NUP205: variants seen among roughly 807,000 people sequenced by gnomAD.
NUP205 encodes the protein nuclear pore complex protein Nup205.
In NUP205, 76 loss-of-function variants were observed where a neutral mutation model predicts 253.8. The ratio of observed to expected loss-of-function variants is 0.30; its 90% CI spans 0.25 to 0.36. NUP205 has a LOEUF of 0.36. Ranked by LOEUF, NUP205 falls within the 10% of genes least tolerant of loss-of-function variation. The probability of loss-of-function intolerance (pLI) is 1.00; values close to 1 mark genes in which losing one functional copy is unlikely to be tolerated. For missense variants in NUP205, 2,162 were observed against 2,425.5 expected, an observed-to-expected ratio of 0.89 and a Z score of 2.28; for synonymous variants, 832 against 850.1, an observed-to-expected ratio of 0.98 and a Z score of 0.37.
At chr7:135,565,001 T>C (rs1393148240) in intron 1 of NUP205, among the ~76,000 whole-genome samples, 5 of 152,044 alleles carry the variant, frequency 3.3e-5, no homozygotes, top group African/African-American at 1.2e-4. Flanking sequence ...ACTCCTGACC[T>C]CAAGTGATCT....
intron 1 of NUP205, among the ~76,000 whole-genome samples, chr7:135,570,048 TATATAGAGAGAGAGAGAGAGAGAGAG>T (rs1411289936): frequency 7.0e-5 from 7 of 99,786 alleles, no homozygotes; most frequent in African/African-American, 1.4e-4. Context: ...TATATATATA[TATATAGAGAGAGAGAGAGAGAGAGAG>T]AGAGAGAGAG....
chr7:135,604,386 G>T lies in NUP205; in HGVS notation c.2749G>T (p.Ala917Ser). ...NTNPELAFES[A>S]KILCCISCNS... ...TAATCCAGAATTGGCTTTTGAAAGTGCCAAGATCCTCTGTTGTATCTCTTG... is the reference window on the plus strand; with the variant it reads ...TAATCCAGAATTGGCTTTTGAAAGTTCCAAGATCCTCTGTTGTATCTCTTG... Residue 917 changes from alanine (A) to serine (S), a missense_variant, in exon 19 of 43, where the codon GCC becomes TCC. Ala to Ser is a moderately conservative substitution (Grantham distance 99, BLOSUM62 1). Around this residue, in one of 5 missense-constraint regions of NUP205, gnomAD observed 892 missense variants for 957.1 expected, o/e 0.93. Coordinates refer to ENST00000285968, the MANE Select transcript of NUP205 (RefSeq NM_015135.3). 1.9e-6 allele frequency: 3 copies of T among 1,612,734 alleles called. No homozygotes were observed. Among genetic ancestry groups the T allele is most frequent in the Non-Finnish European group, 2.5e-6 (3 of 1,179,120 alleles).
intron 7 of NUP205, among the ~76,000 whole-genome samples, chr7:135,580,165 A>G (rs947960017): frequency 1.3e-5 from 2 of 152,214 alleles, no homozygotes; most frequent in African/African-American, 4.8e-5. Flanking sequence ...TAAAGTATCA[A>G]CAGATTCTAG....
At chr7:135,592,819 A>G (rs552315057) in intron 11 of NUP205, among the ~76,000 whole-genome samples, 168 bp from the exon 12 acceptor site, 2 of 152,260 alleles carry the variant, frequency 1.3e-5, no homozygotes. Flanking sequence ...CCTGGGGAGT[A>G]GAGGTTGCAG....
rs537276545 is a variant in NUP205, at chr7:135,560,159, A to AT, written c.28+2195dup. Among the ~76,000 whole-genome samples the AT allele has an allele frequency of 2.4e-3, 358 of 151,268 alleles. 1 individual carries two copies. Among genetic ancestry groups the AT allele is most frequent in the South Asian group, 3.8e-3 (18 of 4,780 alleles). ...AGGTGTGAGCCACTGCGCCTGGCCA[A>AT]TTTTTTTTGTATTTTTAGTAGAGAC... On this transcript the variant is annotated intron_variant, in intron 1 of 42. Transcript: ENST00000285968.
At chr7:135,630,614 G>T (rs1794692036) in intron 35 of NUP205, 144 bp downstream of exon 35, 2 of 601,952 alleles carry the variant, frequency 3.3e-6, no homozygotes, top group Non-Finnish European at 5.2e-6. Flanking sequence ...TATGTAATAA[G>T]TTTATGTTTA....
At chr7:135,637,550 A>G (rs1423896497) in intron 36 of NUP205, among the ~76,000 whole-genome samples, 2 of 152,202 alleles carry the variant, frequency 1.3e-5, no homozygotes, top group African/African-American at 4.8e-5. Context: ...AATTATCACA[A>G]ACGTGTCCAT....
At chr7:135,592,751 G>A (rs1806661750) in intron 11 of NUP205, among the ~76,000 whole-genome samples, 1 of 152,194 alleles carries the variant, frequency 6.6e-6, no homozygotes, top group Admixed American at 6.5e-5. Flanking sequence ...GCAAGGCGTT[G>A]TGGTGCACGC....
chr7:135,618,146 G>C (rs910596054), intron 27 of NUP205, among the ~76,000 whole-genome samples: 23 of 152,100 alleles, frequency 1.5e-4, no homozygotes, highest in Admixed American at 1.4e-3. Context: ...AGTATAAGTA[G>C]ACAGGTACAA....
chr7:135,573,694 G>C lies in NUP205; in HGVS notation c.212G>C (p.Ser71Thr). The stretch of plus-strand genomic sequence containing the variant: ...CAGCATGAGAAGGTTCAGAAAGCCA[G>C]TACAGAGGGAGTCGCCATTCAGGGT... ...VQQHEKVQKASTEGVAIQGQQ... is the reference protein window; with the variant it reads ...VQQHEKVQKATTEGVAIQGQQ... Residue 71 changes from serine to threonine, a missense_variant, in exon 3 of 43, where the codon AGT becomes ACT. By Grantham distance (58) the Ser-to-Thr change is moderately conservative. This residue lies in a region of NUP205 where 109 missense variants were observed against 131.8 expected (regional missense o/e 0.83). Coordinates refer to ENST00000285968, the MANE Select transcript of NUP205 (RefSeq NM_015135.3). The C allele has an allele frequency of 2.5e-6, 4 of 1,613,934 alleles. No individual in the cohort carries two copies. Among genetic ancestry groups the C allele is most frequent in the Non-Finnish European group, 3.4e-6 (4 of 1,179,934 alleles).
At chr7:135,633,418 C>T (rs1183640031) in intron 35 of NUP205, among the ~76,000 whole-genome samples, 1 of 152,092 alleles carries the variant, frequency 6.6e-6, no homozygotes, top group Non-Finnish European at 1.5e-5. Context: ...CTAGCTAGTA[C>T]TTTGTTTTTT....
chr7:135,562,279 C>T (rs1805604464), intron 1 of NUP205, among the ~76,000 whole-genome samples: 1 of 152,134 alleles, frequency 6.6e-6, no homozygotes, highest in East Asian at 1.9e-4. Context: ...TCACTACAAC[C>T]TCTGCCTCCC....
intron 10 of NUP205, 70 bp from the exon 11 acceptor site, chr7:135,591,380 A>G: frequency 3.7e-6 from 5 of 1,339,116 alleles, no homozygotes; most frequent in East Asian, 2.3e-5. Flanking sequence ...TGTAGTCTTT[A>G]TTAGCTAGTC....
intron 1 of NUP205, among the ~76,000 whole-genome samples, chr7:135,565,546 C>T (rs1167438178): frequency 1.3e-5 from 2 of 151,918 alleles, no homozygotes; most frequent in African/African-American, 4.8e-5. Flanking sequence ...TATTCTCCTG[C>T]CTCAGCCTCC....
At chr7:135,563,101 G>GGAT (rs1376061838) in intron 1 of NUP205, among the ~76,000 whole-genome samples, 3 of 152,148 alleles carry the variant, frequency 2.0e-5, no homozygotes, top group Non-Finnish European at 2.9e-5. Flanking sequence ...CTAGGTCAGA[G>GGAT]TCCCCTATTA....
At chr7:135,618,339 T>C in intron 27 of NUP205, 73 bp from the exon 28 acceptor site, 1 of 1,284,382 alleles carries the variant, frequency 7.8e-7, no homozygotes, top group African/African-American at 1.5e-5. Flanking sequence ...CAAATAAATA[T>C]TTTCTGAGTA....
intron 22 of NUP205, among the ~76,000 whole-genome samples, chr7:135,607,636 C>T (rs1794116374): frequency 6.6e-6 from 1 of 152,146 alleles, no homozygotes; most frequent in Admixed American, 6.5e-5. Flanking sequence ...AACTTTCCAA[C>T]AGTGCTGTGT....
chr7:135,599,025 A>G (rs947433038), intron 15 of NUP205: 1 of 152,208 alleles, frequency 6.6e-6, no homozygotes, highest in South Asian at 2.1e-4. Flanking sequence ...GGCGCAGATC[A>G]AGACTCCATC....
Position 135,606,763 on chromosome 7 carries a change from A to T in NUP205, c.2918A>T (p.Glu973Val), listed in dbSNP as rs367778691. The change falls in exon 21 of 43, where the codon GAA (glutamate) becomes GTA (valine). Residue 973 changes from glutamate (E) to valine (V), a missense_variant. Physicochemically the swap from Glu to Val is moderately radical, Grantham distance 121. Transcript: ENST00000285968. ...TTTCTGCATTAAGGATCAGAACTTG[A>T]AAAGAAATTAGTTGCAATTCGTCAT... ...FVRLEEGSEL[E>V]KKLVAIRHET... 2 of 1,613,660 alleles carry T rather than the reference A, an allele frequency of 1.2e-6. No individual in the cohort carries two copies. Among genetic ancestry groups the T allele is most frequent in the Non-Finnish European group, 1.7e-6 (2 of 1,179,676 alleles).
Sources: allele counts gnomAD v4.1 joint callset (sites outside exome capture counted in the v4.1 genomes callset), GRCh38; gene constraint gnomAD v4.1.1; regional missense constraint gnomAD v4.1.1; transcripts MANE v1.5; gene names NCBI Gene and HGNC (gene_info 2026-07-23, HGNC 2026-07-21).